Variants in NME8 observed in about 807,000 individuals in gnomAD.
NME8 encodes the protein protein NME8.
NME8 carries 72 observed loss-of-function variants against 82.3 expected under a neutral mutation model. That is an observed-to-expected ratio of 0.87 (90% confidence interval 0.72 to 1.06). The LOEUF is 1.06. Ranked by LOEUF, NME8 falls within the 50% of genes least tolerant of loss-of-function variation. The pLI is 0.00. For missense variants in NME8, 712 were observed against 685.4 expected (o/e 1.04, Z -0.43); for synonymous variants, 267 against 228.5 (o/e 1.17, Z -1.52).
At chr7:37,880,895 G>A (rs558355478) in intron 12 of NME8, among the ~76,000 whole-genome samples, 2 of 152,030 alleles carry the variant, frequency 1.3e-5, no homozygotes, top group South Asian at 4.2e-4. Flanking sequence ...TTTAGTGCTA[G>A]TATAAATTGT....
chr7:37,857,055 T>C (rs913664918), intron 5 of NME8, among the ~76,000 whole-genome samples: 1 of 152,130 alleles, frequency 6.6e-6, no homozygotes, highest in Non-Finnish European at 1.5e-5. Context: ...GGCTAAAGGT[T>C]GGTTAATGTA....
Position 37,862,036 on chromosome 7 carries a change from A to T in NME8, c.279A>T (p.Lys93Asn). Residue 93 changes from lysine (K) to asparagine (N), a missense_variant, in exon 7 of 18, where the codon AAA (lysine) becomes AAT (asparagine). Transcript: ENST00000199447. The part of the protein sequence containing the change: ...EPVFLFSVNG[K>N]IIEKIQGANA... ...TTTCATTTCCCTTATAGAATGGCAA[A>T]ATTATCGAAAAGATTCAGGGTGCAA... 1 of 1,612,434 alleles carries T rather than the reference A, an allele frequency of 6.2e-7. No homozygotes were observed. The highest frequency in any genetic ancestry group is 8.5e-7 in the Non-Finnish European group (1 of 1,178,578).
intron 7 of NME8, among the ~76,000 whole-genome samples, chr7:37,862,365 A>C (rs1784609333): frequency 6.6e-6 from 1 of 152,182 alleles, no homozygotes; most frequent in Non-Finnish European, 1.5e-5. Flanking sequence ...TCTGGGAAGC[A>C]TTTTGGCAAT....
At chr7:37,882,575 GAA>G (rs1293123627) in intron 12 of NME8, among the ~76,000 whole-genome samples, 4 of 42,842 alleles carry the variant, frequency 9.3e-5, no homozygotes, top group Non-Finnish European at 1.9e-4. Flanking sequence ...AAGAAAGAAA[GAA>G]AGAAAGAAAG....
chr7:37,897,111 C>A lies in NME8; in HGVS notation c.*15+4C>A, dbSNP rs374600320. Reference sequence around the variant, plus strand: ...AAACTAAAGTATATACTGTGAAGTACGTACCTGTTTAATTATTATTTTATT... The same window carrying A: ...AAACTAAAGTATATACTGTGAAGTAAGTACCTGTTTAATTATTATTTTATT... On this transcript the variant is annotated splice_donor_region_variant and intron_variant, in intron 17 of 17. Coordinates refer to ENST00000199447, the MANE Select transcript of NME8 (RefSeq NM_016616.5). 21 of 1,473,320 alleles carry A rather than the reference C, an allele frequency of 1.4e-5. No individual in the cohort carries two copies. The African/African-American group carries it at 2.1e-4, about 15-fold the overall frequency. 91.3% of individuals were successfully genotyped at this position (1,473,320 alleles called of 1,614,324 possible).
intron 8 of NME8, 68 bp from the exon 9 acceptor site, chr7:37,864,280 A>G: frequency 6.6e-7 from 1 of 1,524,616 alleles, no homozygotes; most frequent in Non-Finnish European, 8.9e-7. Context: ...GCTAATTGCC[A>G]GATCCTTCAT....
rs183351573 is a variant in NME8 at position 37,857,192 on chromosome 7, C to T, written c.199-82C>T. 31 of 1,069,434 alleles carry T rather than the reference C, an allele frequency of 2.9e-5. No individual in the cohort carries two copies. In the African/African-American group the frequency reaches 3.8e-4, roughly 13 times the overall value. 66.2% of individuals were successfully genotyped at this position (1,069,434 alleles called of 1,614,324 possible). ...CAGTAAACCTAAAAATTATATATATCTCTGCATTGTTTCAACATAGTGTAT... is the reference window on the plus strand; with the variant it reads ...CAGTAAACCTAAAAATTATATATATTTCTGCATTGTTTCAACATAGTGTAT... On this transcript the variant is annotated intron_variant, in intron 5 of 17. Coordinates refer to ENST00000199447, the MANE Select transcript of NME8 (RefSeq NM_016616.5).
intron 11 of NME8, among the ~76,000 whole-genome samples, chr7:37,868,894 GT>G (rs967556012): frequency 1.3e-5 from 2 of 152,180 alleles, no homozygotes; most frequent in African/African-American, 4.8e-5. Context: ...TAGAATGTTG[GT>G]TTTATGCGCT....
intron 8 of NME8, among the ~76,000 whole-genome samples, chr7:37,863,780 T>G (rs995048118): frequency 6.6e-6 from 1 of 152,188 alleles, no homozygotes; most frequent in Non-Finnish European, 1.5e-5. Context: ...TGATGATAAT[T>G]TCTTCCTTGA....
In NME8 at chr7:37,853,086, G is replaced by A. The variant is rs141332230; in HGVS notation, c.198+2351G>A. On this transcript the variant is annotated intron_variant, in intron 5 of 17. Coordinates refer to ENST00000199447, the MANE Select transcript of NME8 (RefSeq NM_016616.5). Reference sequence around the variant, plus strand: ...GTTTCCCAAGATTATGTGAGGTGGAGCATCTTTATATATACTTATTTGCCA... The same window carrying A: ...GTTTCCCAAGATTATGTGAGGTGGAACATCTTTATATATACTTATTTGCCA... Among the ~76,000 whole-genome samples the A allele has an allele frequency of 3.8e-3, 578 of 152,228 alleles. 5 individuals carry two copies. Among genetic ancestry groups the A allele is most frequent in the African/African-American group, 0.012 (501 of 41,536 alleles).
intron 7 of NME8, 147 bp downstream of exon 7, chr7:37,862,291 G>A: frequency 1.5e-6 from 1 of 688,582 alleles, no homozygotes; most frequent in East Asian, 2.8e-5. Context: ...CCTTTTATTT[G>A]ATGTTATCCT....
At chr7:37,854,314 C>T (rs1784479791) in intron 5 of NME8, among the ~76,000 whole-genome samples, 2 of 151,996 alleles carry the variant, frequency 1.3e-5, no homozygotes, top group African/African-American at 4.8e-5. Flanking sequence ...TCTTCATCCT[C>T]ATCATCTTAA....
At chr7:37,870,715 A>C (rs1333705193) in intron 11 of NME8, among the ~76,000 whole-genome samples, 1 of 151,948 alleles carries the variant, frequency 6.6e-6, no homozygotes, top group Non-Finnish European at 1.5e-5. Context: ...ACCTCATTGC[A>C]GGGTGGGTAC....
chr7:37,882,594 A>G (rs1784970429), intron 12 of NME8, among the ~76,000 whole-genome samples: 1 of 50,042 alleles, frequency 2.0e-5, no homozygotes, highest in South Asian at 8.9e-4. Flanking sequence ...AAAGAAAGAA[A>G]GAAAGAGAGA....
chr7:37,865,529 C>A lies in NME8; in HGVS notation c.533C>A (p.Thr178Asn). 1 of 1,609,348 alleles carries A rather than the reference C, an allele frequency of 6.2e-7. No individual in the cohort carries two copies. The highest frequency in any genetic ancestry group is 8.5e-7 in the Non-Finnish European group (1 of 1,175,818). Reference sequence around the variant, plus strand: ...GACCTTACTCTCTAATTGAAGATTACCAAAGCTGGATTTATTATAGAAGCA... The same window carrying A: ...GACCTTACTCTCTAATTGAAGATTAACAAAGCTGGATTTATTATAGAAGCA... Reference protein sequence around the residue: ...KKVLEIKRKITKAGFIIEAEH... With the variant: ...KKVLEIKRKINKAGFIIEAEH... Residue 178 changes from threonine (T) to asparagine (N), a missense_variant, in exon 10 of 18, where the codon ACC becomes AAC. Coordinates refer to ENST00000199447, the MANE Select transcript of NME8 (RefSeq NM_016616.5).
chr7:37,849,471 T>C (rs1784407092), intron 2 of NME8, among the ~76,000 whole-genome samples: 2 of 152,218 alleles, frequency 1.3e-5, no homozygotes, highest in African/African-American at 4.8e-5. Context: ...GCATTTAGCA[T>C]AGAGCCTAGC....
At position 37,850,747 on chromosome 7, in the gene NME8, G is replaced by A. The variant is rs773539561; in HGVS notation, c.198+12G>A. 1 of 1,565,262 alleles carries A rather than the reference G, an allele frequency of 6.4e-7. No individual in the cohort carries two copies. Among genetic ancestry groups the A allele is most frequent in the Non-Finnish European group, 8.8e-7 (1 of 1,136,286 alleles). The stretch of plus-strand genomic sequence containing the variant: ...TGCATTTTGCTGTCGTAAGAATTTT[G>A]TTTTCATTAAACCACTGTTTTCACA... On this transcript the variant is annotated intron_variant, in intron 5 of 17. Transcript: ENST00000199447.
chr7:37,863,606 C>G, intron 8 of NME8, 144 bp downstream of exon 8: 1 of 658,576 alleles, frequency 1.5e-6, no homozygotes. Flanking sequence ...TTGGGCCTTG[C>G]AAGACTCAGC....
intron 5 of NME8, among the ~76,000 whole-genome samples, chr7:37,856,380 A>G (rs1583626516): frequency 6.6e-6 from 1 of 152,174 alleles, no homozygotes; most frequent in African/African-American, 2.4e-5. Flanking sequence ...AGTGGAGAAG[A>G]GGGCCTTCAC....
Sources: gnomAD v4.1 joint callset for allele counts (sites outside exome capture counted in the v4.1 genomes callset) on GRCh38, gnomAD v4.1.1 for gene constraint, MANE v1.5 for transcripts, NCBI Gene and HGNC (gene_info 2026-07-23, HGNC 2026-07-21) for gene names.